TIGD5: variants seen among roughly 807,000 people sequenced by gnomAD.
TIGD5 encodes tigger transposable element-derived protein 5.
Under a neutral mutation model 28.8 loss-of-function variants are expected in TIGD5, and 24 were observed. That is an observed-to-expected ratio of 0.83 (90% CI 0.60 to 1.17). TIGD5 has a LOEUF of 1.17. Among genes scored for constraint, TIGD5 ranks in the 50% most tolerant of loss-of-function variants. The pLI, the probability that TIGD5 is intolerant of heterozygous loss-of-function variation, is 0.00. For missense variants in TIGD5, 922 were observed against 911.4 expected, an observed-to-expected ratio of 1.01 and a Z score of -0.15; for synonymous variants, 538 against 430.5, an observed-to-expected ratio of 1.25 and a Z score of -3.09.
rs1209989990 is a variant in TIGD5, at chr8:143,601,494, C to T, written c.*1662C>T. ...ACCACCTCTGCTCTGCCAGGCCTGC[C>T]TCCAGGGCTCTGAGGAGAAGCTGAC... On this transcript the variant is annotated 3_prime_UTR_variant, in exon 1 of 1. Transcript: ENST00000504548. 1 of 152,406 alleles carries T rather than the reference C, an allele frequency of 6.6e-6. No homozygotes were observed. Among genetic ancestry groups the T allele is most frequent in the East Asian group, 1.9e-4 (1 of 5,190 alleles). 9.4% of individuals were successfully genotyped at this position (152,406 alleles called of 1,614,324 possible). A position where few individuals can be genotyped will look rare whatever the true frequency, so the allele number is the denominator to read the frequency against.
At position 143,602,053 on chromosome 8, in the gene TIGD5, A is replaced by C. The variant is rs1225459809; in HGVS notation, c.*2221A>C. 6.7e-6 allele frequency: 1 copy of C among 149,950 alleles called. No homozygotes were observed. The highest frequency in any genetic ancestry group is 1.5e-5 in the Non-Finnish European group (1 of 67,628). 9.3% of individuals were successfully genotyped at this position (149,950 alleles called of 1,614,324 possible). On this transcript the variant is annotated 3_prime_UTR_variant, in exon 1 of 1. Transcript: ENST00000504548. The stretch of plus-strand genomic sequence containing the variant: ...AGAGATTGCAGTGAGCCAAGATCAC[A>C]ACACCGCGCTCCAGTCTGCGCGACA...
At position 143,600,568 on chromosome 8, in the gene TIGD5, A is replaced by C. The variant is rs1258706874; in HGVS notation, c.*736A>C. 6.6e-6 allele frequency: 1 copy of C among 152,132 alleles called. No individual in the cohort carries two copies. Among genetic ancestry groups the C allele is most frequent in the Non-Finnish European group, 1.5e-5 (1 of 68,024 alleles). 9.4% of individuals were successfully genotyped at this position (152,132 alleles called of 1,614,324 possible). On this transcript the variant is annotated 3_prime_UTR_variant, in exon 1 of 1. Coordinates refer to ENST00000504548, the MANE Select transcript of TIGD5 (RefSeq NM_032862.5). The stretch of plus-strand genomic sequence containing the variant: ...AGCTGCCTGGCTTTGGGCCCTGGTG[A>C]CTTGGCCAACGGCAGGAGAGTTTCC...
At position 143,597,983 on chromosome 8, in the gene TIGD5, C is replaced by G; in HGVS notation, c.80C>G (p.Pro27Arg). 1 of 1,060,756 alleles carries G rather than the reference C, an allele frequency of 9.4e-7. No individual in the cohort carries two copies. Among genetic ancestry groups the G allele is most frequent in the South Asian group, 4.0e-5 (1 of 24,722 alleles). The allele number at this position is 1,060,756 out of a possible 1,614,324, so 65.7% of individuals were successfully genotyped here. A position where few individuals can be genotyped will look rare whatever the true frequency, so the allele number is the denominator to read the frequency against. Residue 27 changes from proline to arginine, a missense_variant, in exon 1 of 1, where the codon CCA becomes CGA. This residue lies in a region of TIGD5 where 87 missense variants were observed against 60.9 expected (regional missense o/e 1.43). Coordinates refer to ENST00000504548, the MANE Select transcript of TIGD5 (RefSeq NM_032862.5). ...CTGCCCGGGCCCCCCGCGCCCGCCCCAGCCCCCGTCCCCGCTGCACGGCCG... is the reference window on the plus strand; with the variant it reads ...CTGCCCGGGCCCCCCGCGCCCGCCCGAGCCCCCGTCCCCGCTGCACGGCCG... The part of the protein sequence containing the change: ...RPLPGPPAPA[P>R]APVPAARPPP...
rs1476195300 is a variant in TIGD5 at position 143,599,911 on chromosome 8, T to G, written c.*79T>G. The G allele has an allele frequency of 7.4e-6, 10 of 1,360,490 alleles. No individual in the cohort carries two copies. Among genetic ancestry groups the G allele is most frequent in the Non-Finnish European group, 8.6e-6 (9 of 1,050,002 alleles). 84.3% of individuals were successfully genotyped at this position (1,360,490 alleles called of 1,614,324 possible). A position where few individuals can be genotyped will look rare whatever the true frequency, so the allele number is the denominator to read the frequency against. On this transcript the variant is annotated 3_prime_UTR_variant, in exon 1 of 1. Transcript: ENST00000504548. The stretch of plus-strand genomic sequence containing the variant: ...ACACAGTCTCCCATCTCTCCTCCCC[T>G]CCCCCTGGGGTGGCCCACCGCATGG...
rs1564008437 is a variant in TIGD5, at chr8:143,599,680, C to T, written c.1777C>T (p.Arg593Trp). The T allele has an allele frequency of 4.0e-6, 6 of 1,517,922 alleles. No individual in the cohort carries two copies. Among genetic ancestry groups the T allele is most frequent in the South Asian group, 2.6e-5 (2 of 75,794 alleles). The allele number at this position is 1,517,922 out of a possible 1,614,324, so 94.0% of individuals were successfully genotyped here. A position where few individuals can be genotyped will look rare whatever the true frequency, so the allele number is the denominator to read the frequency against. Residue 593 changes from arginine (R) to tryptophan (W), a missense_variant, in exon 1 of 1, where the codon CGG (arginine) becomes TGG (tryptophan). Arg to Trp is a moderately radical substitution (Grantham distance 101). This residue lies in a region of TIGD5 where 821 missense variants were observed against 815.2 expected (regional missense o/e 1.01). Transcript: ENST00000504548. ...AGTGCCGACTGCCGGGGAGGCCGTG[C>T]GGGGGCTAGAAACAGCTCTGCGGTG... is the stretch of plus-strand genomic sequence containing the variant. Reference protein sequence around the residue: ...TSVPTAGEAVRGLETALRWLE... With the variant: ...TSVPTAGEAVWGLETALRWLE...
Position 143,598,646 on chromosome 8 carries a change from T to A in TIGD5, c.743T>A (p.Leu248Gln). 4.0e-6 allele frequency: 6 copies of A among 1,498,714 alleles called. No individual in the cohort carries two copies. Among genetic ancestry groups the A allele is most frequent in the Non-Finnish European group, 5.3e-6 (6 of 1,134,800 alleles). The allele number at this position is 1,498,714 out of a possible 1,614,324, so 92.8% of individuals were successfully genotyped here. A position where few individuals can be genotyped will look rare whatever the true frequency, so the allele number is the denominator to read the frequency against. Residue 248 changes from leucine to glutamine, a missense_variant, in exon 1 of 1, where the codon CTG becomes CAG. Coordinates refer to ENST00000504548, the MANE Select transcript of TIGD5 (RefSeq NM_032862.5). The surrounding 1 kb of genome is among the most constrained non-coding windows in gnomAD (Gnocchi z 6.6). ...AGCGTCACCGGCCTCTACTGGAAGC[T>A]GCTTCCGGAGCAGGCTGCGCCCCCG... ...SASVTGLYWKLLPEQAAPPGA... is the reference protein window; with the variant it reads ...SASVTGLYWKQLPEQAAPPGA...
rs1261474427 is a variant in TIGD5, at chr8:143,600,250, C to T, written c.*418C>T. On this transcript the variant is annotated 3_prime_UTR_variant, in exon 1 of 1. Coordinates refer to ENST00000504548, the MANE Select transcript of TIGD5 (RefSeq NM_032862.5). ...GGCCCCGGAGCCACAGCACAATCAT[C>T]TCAGTGGCGAAGCACACCACTTGAT... 4.8e-6 allele frequency: 1 copy of T among 206,448 alleles called. No individual in the cohort carries two copies. Among genetic ancestry groups the T allele is most frequent in the African/African-American group, 2.3e-5 (1 of 43,590 alleles). The allele number at this position is 206,448 out of a possible 1,614,324, so 12.8% of individuals were successfully genotyped here. A position where few individuals can be genotyped will look rare whatever the true frequency, so the allele number is the denominator to read the frequency against.
At position 143,598,071 on chromosome 8, in the gene TIGD5, C is replaced by G; in HGVS notation, c.168C>G (p.Tyr56Ter). ...VAVKMAFRKA[Y>*]SIKDKLQAIE... ...TGAAGATGGCCTTCCGCAAGGCCTA[C>G]TCCATCAAGGACAAGCTGCAGGCCA... Residue 56 changes from tyrosine to a stop codon, truncating the protein, a stop_gained, in exon 1 of 1, where the codon TAC becomes TAG. Transcript: ENST00000504548. LOFTEE classifies it high-confidence loss of function. The surrounding 1 kb of genome is among the most constrained non-coding windows in gnomAD (Gnocchi z 6.6). 1 of 1,503,826 alleles carries G rather than the reference C, an allele frequency of 6.6e-7. No homozygotes were observed. Among genetic ancestry groups the G allele is most frequent in the Non-Finnish European group, 8.8e-7 (1 of 1,131,788 alleles). 93.2% of individuals were successfully genotyped at this position (1,503,826 alleles called of 1,614,324 possible).
Position 143,599,032 on chromosome 8 carries a change from G to T in TIGD5, c.1129G>T (p.Ala377Ser), listed in dbSNP as rs766415826. 1 of 1,569,980 alleles carries T rather than the reference G, an allele frequency of 6.4e-7. No individual in the cohort carries two copies. The change falls in exon 1 of 1, where the codon GCC becomes TCC. Residue 377 changes from alanine to serine, a missense_variant. By Grantham distance (99) the Ala-to-Ser change is moderately conservative. Coordinates refer to ENST00000504548, the MANE Select transcript of TIGD5 (RefSeq NM_032862.5). ...ASMPALDSEDAPVRCRPEPLG... is the reference protein window; with the variant it reads ...ASMPALDSEDSPVRCRPEPLG... ...TATGCCCGCCCTGGACAGCGAGGAT[G>T]CCCCCGTGCGGTGCAGGCCGGAGCC...
chr8:143,599,857 C>T lies in TIGD5; in HGVS notation c.*25C>T, dbSNP rs767478896. On this transcript the variant is annotated 3_prime_UTR_variant, in exon 1 of 1. Coordinates refer to ENST00000504548, the MANE Select transcript of TIGD5 (RefSeq NM_032862.5). ...ACCAGGCCAGCCCAGTGACCTTTCT[C>T]CTGCTGCACTTGGAGGGAGGGGACA... is the stretch of plus-strand genomic sequence containing the variant. 1 of 1,447,488 alleles carries T rather than the reference C, an allele frequency of 6.9e-7. No homozygotes were observed. The highest frequency in any genetic ancestry group is 9.0e-7 in the Non-Finnish European group (1 of 1,109,772). The allele number at this position is 1,447,488 out of a possible 1,614,324, so 89.7% of individuals were successfully genotyped here. A position where few individuals can be genotyped will look rare whatever the true frequency, so the allele number is the denominator to read the frequency against.
In TIGD5 at chr8:143,597,990, C is replaced by T; in HGVS notation, c.87C>T (p.Pro29=). The T allele has an allele frequency of 3.5e-6, 4 of 1,141,638 alleles. No homozygotes were observed. The highest frequency in any genetic ancestry group is 4.3e-6 in the Non-Finnish European group (4 of 922,358). 70.7% of individuals were successfully genotyped at this position (1,141,638 alleles called of 1,614,324 possible). A position where few individuals can be genotyped will look rare whatever the true frequency, so the allele number is the denominator to read the frequency against. Residue 29 remains proline (P), a synonymous_variant, in exon 1 of 1, where the codon CCC becomes CCT. Transcript: ENST00000504548. ...LPGPPAPAPA[P]VPAARPPPPA... ...GGCCCCCCGCGCCCGCCCCAGCCCC[C>T]GTCCCCGCTGCACGGCCGCCGCCCC...
At position 143,601,397 on chromosome 8, in the gene TIGD5, G is replaced by C. The variant is rs369874225; in HGVS notation, c.*1565G>C. The C allele has an allele frequency of 3.9e-5, 6 of 152,240 alleles. No individual in the cohort carries two copies. Among genetic ancestry groups the C allele is most frequent in the African/African-American group, 1.4e-4 (6 of 41,466 alleles). 9.4% of individuals were successfully genotyped at this position (152,240 alleles called of 1,614,324 possible). ...AAGAGCCTCTGGCCTGAACTGCTGGGGATGGGCTGCAGAAAGCCTGAGACA... is the reference window on the plus strand; with the variant it reads ...AAGAGCCTCTGGCCTGAACTGCTGGCGATGGGCTGCAGAAAGCCTGAGACA... On this transcript the variant is annotated 3_prime_UTR_variant, in exon 1 of 1. Transcript: ENST00000504548.
chr8:143,599,145 C>G lies in TIGD5; in HGVS notation c.1242C>G (p.Pro414=), dbSNP rs759575197. 6.2e-7 allele frequency: 1 copy of G among 1,600,228 alleles called. No homozygotes were observed. The highest frequency in any genetic ancestry group is 1.3e-5 in the African/African-American group (1 of 74,706). ...LSKGSSRAHI[P]APLEQGVVAA... ...AAGGCAGCAGCCGGGCACATATCCC[C>G]GCACCGCTGGAGCAGGGCGTGGTGG... The change falls in exon 1 of 1, where the codon CCC becomes CCG. Residue 414 remains proline (P), a synonymous_variant. Transcript: ENST00000504548.
In TIGD5 at chr8:143,601,885, G is replaced by C. The variant is rs962868267; in HGVS notation, c.*2053G>C. ...TGAGGCGGGTGGATCACCTGAGATT[G>C]GGAGTTCGAGACCAGCCTGGCCAAC... On this transcript the variant is annotated 3_prime_UTR_variant, in exon 1 of 1. Transcript: ENST00000504548. The C allele has an allele frequency of 6.6e-6, 1 of 152,204 alleles. No homozygotes were observed. The highest frequency in any genetic ancestry group is 6.5e-5 in the Admixed American group (1 of 15,292). 9.4% of individuals were successfully genotyped at this position (152,204 alleles called of 1,614,324 possible). A position where few individuals can be genotyped will look rare whatever the true frequency, so the allele number is the denominator to read the frequency against.
rs747658512 is a variant in TIGD5, at chr8:143,598,860, C to T, written c.957C>T (p.Pro319=). Residue 319 remains proline, a synonymous_variant, in exon 1 of 1, where the codon CCC becomes CCT. Coordinates refer to ENST00000504548, the MANE Select transcript of TIGD5 (RefSeq NM_032862.5). The surrounding 1 kb of genome is among the most constrained non-coding windows in gnomAD (Gnocchi z 6.6). ...TCCCGGCCTCCTACCGCTACAGCCC[C>T]GACGCCTGGCTCAGCCGCCCGCTGC... is the stretch of plus-strand genomic sequence containing the variant. ...DKFPASYRYS[P]DAWLSRPLLR... 4 of 1,600,428 alleles carry T rather than the reference C, an allele frequency of 2.5e-6. No homozygotes were observed. Among genetic ancestry groups the T allele is most frequent in the Non-Finnish European group, 3.4e-6 (4 of 1,179,650 alleles).
chr8:143,598,185 C>A lies in TIGD5; in HGVS notation c.282C>A (p.Asp94Glu). Residue 94 changes from aspartate to glutamate, a missense_variant, in exon 1 of 1, where the codon GAC becomes GAA. Around this residue, in one of 3 missense-constraint regions of TIGD5, gnomAD observed 821 missense variants for 815.2 expected, o/e 1.01. Coordinates refer to ENST00000504548, the MANE Select transcript of TIGD5 (RefSeq NM_032862.5). This position sits in a 1 kb window ranked among gnomAD's most constrained non-coding sequence, Gnocchi z 6.6. Reference sequence around the variant, plus strand: ...GGACGCTGCGCGGCTGGCTCAAGGACGAGCCCAAGCTGCGCTGGTTCCTGG... The same window carrying A: ...GGACGCTGCGCGGCTGGCTCAAGGAAGAGCCCAAGCTGCGCTGGTTCCTGG... ...PGGTLRGWLK[D>E]EPKLRWFLEQ... The A allele has an allele frequency of 6.2e-7, 1 of 1,603,874 alleles. No individual in the cohort carries two copies. Among genetic ancestry groups the A allele is most frequent in the Non-Finnish European group, 8.5e-7 (1 of 1,176,104 alleles).
rs1169601765 is a variant in TIGD5, at chr8:143,602,998, A to G, written c.*3166A>G. On this transcript the variant is annotated 3_prime_UTR_variant, in exon 1 of 1. Coordinates refer to ENST00000504548, the MANE Select transcript of TIGD5 (RefSeq NM_032862.5). ...ACTGTGGTAGGAAAGGAAGGGGAGC[A>G]CCCCCAGACGGGGGGGTCCTGCAGA... 6.6e-6 allele frequency: 1 copy of G among 152,010 alleles called. No individual in the cohort carries two copies. Among genetic ancestry groups the G allele is most frequent in the Non-Finnish European group, 1.5e-5 (1 of 68,016 alleles). 9.4% of individuals were successfully genotyped at this position (152,010 alleles called of 1,614,324 possible).
In TIGD5 at chr8:143,597,987, C is replaced by G. The variant is rs1829118509; in HGVS notation, c.84C>G (p.Ala28=). The G allele has an allele frequency of 9.0e-7, 1 of 1,107,422 alleles. No homozygotes were observed. Among genetic ancestry groups the G allele is most frequent in the Non-Finnish European group, 1.1e-6 (1 of 897,592 alleles). The allele number at this position is 1,107,422 out of a possible 1,614,324, so 68.6% of individuals were successfully genotyped here. A position where few individuals can be genotyped will look rare whatever the true frequency, so the allele number is the denominator to read the frequency against. The part of the protein sequence containing the change: ...PLPGPPAPAP[A]PVPAARPPPP... ...CCGGGCCCCCCGCGCCCGCCCCAGC[C>G]CCCGTCCCCGCTGCACGGCCGCCGC... Residue 28 remains alanine (A), a synonymous_variant, in exon 1 of 1, where the codon GCC becomes GCG. Coordinates refer to ENST00000504548, the MANE Select transcript of TIGD5 (RefSeq NM_032862.5).
Position 143,599,696 on chromosome 8 carries a change from C to G in TIGD5, c.1793C>G (p.Ala598Gly). The G allele has an allele frequency of 7.9e-6, 12 of 1,514,592 alleles. No homozygotes were observed. The highest frequency in any genetic ancestry group is 1.1e-5 in the Non-Finnish European group (12 of 1,136,972). 93.8% of individuals were successfully genotyped at this position (1,514,592 alleles called of 1,614,324 possible). ...GAGGCCGTGCGGGGGCTAGAAACAG[C>G]TCTGCGGTGGCTGGAGAACCAGGAC... ...AGEAVRGLET[A>G]LRWLENQDPR... is the part of the protein sequence containing the mutation. Residue 598 changes from alanine to glycine, a missense_variant, in exon 1 of 1, where the codon GCT (alanine) becomes GGT (glycine). Physicochemically the swap from Ala to Gly is moderately conservative, Grantham distance 60. Transcript: ENST00000504548.
Sources: allele counts gnomAD v4.1 joint callset, GRCh38; gene constraint gnomAD v4.1.1; regional missense constraint gnomAD v4.1.1; non-coding constraint Gnocchi (gnomAD v3.1); transcripts MANE v1.5; gene names NCBI Gene and HGNC (gene_info 2026-07-23, HGNC 2026-07-21).